The following ANO2 variants were observed in gnomAD, a reference collection of about 807,000 sequenced individuals.
ANO2 encodes anoctamin 2.
Under a neutral mutation model 124.2 loss-of-function variants are expected in ANO2, and 101 were observed. The ratio of observed to expected loss-of-function variants is 0.81; its 90% CI spans 0.69 to 0.96. The LOEUF (loss-of-function observed/expected upper bound fraction) is 0.96. ANO2 is among the 40% of genes least tolerant of loss of function. The probability of loss-of-function intolerance (pLI) is 0.00; values close to 1 mark genes in which losing one functional copy is unlikely to be tolerated. For missense variants in ANO2, 1,293 were observed against 1,274.5 expected (o/e 1.01, Z -0.22); for synonymous variants, 486 against 482.5 (o/e 1.01, Z -0.09).
intron 4 of ANO2, among the ~76,000 whole-genome samples, chr12:5,852,324 C>T (rs149625450): frequency 6.6e-6 from 1 of 152,322 alleles, no homozygotes; most frequent in Admixed American, 6.5e-5. Context: ...AGGGGAAAGA[C>T]ACAGCGTATT....
intron 7 of ANO2, among the ~76,000 whole-genome samples, chr12:5,810,384 G>C (rs772615970): frequency 1.3e-5 from 2 of 152,152 alleles, no homozygotes; most frequent in African/African-American, 4.8e-5. Flanking sequence ...ATAATCAAAC[G>C]TTTTTAAAAA....
chr12:5,663,829 C>T (rs1947564138), intron 14 of ANO2, among the ~76,000 whole-genome samples: 1 of 152,216 alleles, frequency 6.6e-6, no homozygotes, highest in African/African-American at 2.4e-5. Flanking sequence ...TAAGATGTCA[C>T]TGGTGCAGTG....
Position 5,744,247 on chromosome 12 carries a change from T to A in ANO2, c.1261A>T (p.Asn421Tyr), listed in dbSNP as rs1157154043. 7 of 1,613,928 alleles carry A rather than the reference T, an allele frequency of 4.3e-6. No homozygotes were observed. The highest frequency in any genetic ancestry group is 5.9e-6 in the Non-Finnish European group (7 of 1,179,870). The change falls in exon 12 of 25, where the codon AAC (asparagine) becomes TAC (tyrosine). Residue 421 changes from asparagine to tyrosine, a missense_variant. Transcript: ENST00000682330. ...GCGGTCCCACAGGCTGAGCTGAGGT[T>A]CCAGTAATCACAGGACTTGTCACAC... Reference protein sequence around the residue: ...PLCDKSCDYWNLSSACGTAQA... With the variant: ...PLCDKSCDYWYLSSACGTAQA...
chr12:5,852,688 T>C (rs1465829062), intron 4 of ANO2, among the ~76,000 whole-genome samples: 1 of 151,978 alleles, frequency 6.6e-6, no homozygotes, highest in Non-Finnish European at 1.5e-5. Context: ...AGAGTCGGCA[T>C]GGTAACGAGG....
chr12:5,719,722 G>A (rs1016431362), intron 14 of ANO2, among the ~76,000 whole-genome samples: 5 of 152,160 alleles, frequency 3.3e-5, no homozygotes, highest in Admixed American at 3.3e-4. Flanking sequence ...CCAGTCTAAG[G>A]TATTTCACTG....
chr12:5,663,960 T>C (rs973103258), intron 14 of ANO2, among the ~76,000 whole-genome samples: 12 of 152,144 alleles, frequency 7.9e-5, no homozygotes, highest in Admixed American at 7.9e-4. Flanking sequence ...CTAACAGAGA[T>C]AGATGGGCTA....
intron 10 of ANO2, among the ~76,000 whole-genome samples, chr12:5,775,921 C>T (rs1038776110): frequency 6.6e-6 from 1 of 152,162 alleles, no homozygotes; most frequent in Non-Finnish European, 1.5e-5. Context: ...GGGTTAAACA[C>T]TGACACAAAA....
intron 7 of ANO2, 78 bp from the exon 8 acceptor site, chr12:5,807,446 A>G: frequency 7.9e-7 from 1 of 1,263,010 alleles, no homozygotes; most frequent in Non-Finnish European, 1.1e-6. Flanking sequence ...TTGATAAATA[A>G]GCTTTCACAT....
chr12:5,688,653 C>T lies in ANO2; in HGVS notation c.1546-40852G>A, dbSNP rs192738714. ...TTATCTAAACCTAGAAACAATGGCA[C>T]ACAGTTTAATCCAAATTTGCCTATT... is the stretch of plus-strand genomic sequence containing the variant. On this transcript the variant is annotated intron_variant, in intron 14 of 24. Transcript: ENST00000682330. 1.6e-3 allele frequency among the ~76,000 whole-genome samples: 249 copies of T among 152,280 alleles called. 1 individual carries two copies. The highest frequency in any genetic ancestry group is 2.9e-3 in the Admixed American group (44 of 15,304).
chr12:5,693,393 CGT>C (rs1373958377), intron 14 of ANO2, among the ~76,000 whole-genome samples: 1 of 152,146 alleles, frequency 6.6e-6, no homozygotes, highest in East Asian at 1.9e-4. Flanking sequence ...GCCTTTGAAA[CGT>C]AGTCAGCACC....
chr12:5,716,201 T>C (rs562987306), intron 14 of ANO2, among the ~76,000 whole-genome samples: 1 of 152,224 alleles, frequency 6.6e-6, no homozygotes, highest in Non-Finnish European at 1.5e-5. Context: ...AAAAGCTATT[T>C]AATTTGACTA....
At chr12:5,684,807 T>C (rs1948638920) in intron 14 of ANO2, among the ~76,000 whole-genome samples, 2 of 152,152 alleles carry the variant, frequency 1.3e-5, no homozygotes, top group South Asian at 4.1e-4. Context: ...ATCTTCCCTA[T>C]AGAGATCCCA....
At chr12:5,737,847 C>G (rs552266495) in intron 13 of ANO2, among the ~76,000 whole-genome samples, 4 of 152,272 alleles carry the variant, frequency 2.6e-5, no homozygotes, top group Non-Finnish European at 4.4e-5. Flanking sequence ...CTTTACTATT[C>G]TCTGTTGCTT....
At chr12:5,806,445 G>C (rs74427852) in intron 8 of ANO2, among the ~76,000 whole-genome samples, 2 of 152,178 alleles carry the variant, frequency 1.3e-5, no homozygotes, top group Non-Finnish European at 2.9e-5. Flanking sequence ...GTCCGTAACT[G>C]CAGAACTTAG....
At chr12:5,889,164 G>A (rs12303649) in intron 3 of ANO2, among the ~76,000 whole-genome samples, 18 of 152,066 alleles carry the variant, frequency 1.2e-4, no homozygotes, top group Admixed American at 1.2e-3. Flanking sequence ...CCAAGCCCAC[G>A]CCCACCCAGA....
chr12:5,922,471 G>A, intron 2 of ANO2, 149 bp downstream of exon 2: 1 of 879,420 alleles, frequency 1.1e-6, no homozygotes, highest in African/African-American at 1.7e-5. Flanking sequence ...CTTGGAGACA[G>A]AGAAGAGAAA....
chr12:5,903,665 G>A (rs1318816873), intron 3 of ANO2, among the ~76,000 whole-genome samples: 2 of 151,776 alleles, frequency 1.3e-5, no homozygotes, highest in African/African-American at 4.9e-5. Flanking sequence ...GTGTGTGTGT[G>A]TGTGTGTGTG....
intron 13 of ANO2, among the ~76,000 whole-genome samples, chr12:5,736,514 C>T (rs1379043083): frequency 6.6e-6 from 1 of 152,184 alleles, no homozygotes; most frequent in African/African-American, 2.4e-5. Flanking sequence ...GAAAAAACTT[C>T]TAATCATGGC....
chr12:5,675,949 G>A (rs1183695923), intron 14 of ANO2, among the ~76,000 whole-genome samples: 4 of 152,102 alleles, frequency 2.6e-5, no homozygotes, highest in Non-Finnish European at 4.4e-5. Context: ...CTCCTTCCAC[G>A]AGTTTCCACA....
Sources: allele counts gnomAD v4.1 joint callset (sites outside exome capture counted in the v4.1 genomes callset), GRCh38; gene constraint gnomAD v4.1.1; transcripts MANE v1.5; gene names NCBI Gene and HGNC (gene_info 2026-07-23, HGNC 2026-07-21).